The following CNTN4 variants were observed in gnomAD, a reference collection of about 807,000 sequenced individuals.
CNTN4 encodes contactin 4, also known as contactin-4.
In CNTN4, 77 loss-of-function variants were observed where a neutral mutation model predicts 122.5. The ratio of observed to expected loss-of-function variants is 0.63; its 90% confidence interval spans 0.52 to 0.76. The LOEUF (loss-of-function observed/expected upper bound fraction) is 0.76. Among genes scored for constraint, CNTN4 ranks in the 30% least tolerant of loss-of-function variants. CNTN4 has a pLI of 0.00. For synonymous variants in CNTN4, 512 were observed against 447.0 expected (o/e 1.15, Z -1.83); for missense variants, 1,256 against 1,259.1 (o/e 1.00, Z 0.04).
chr3:2,140,054 A>T lies in CNTN4; in HGVS notation c.-145+39415A>T, dbSNP rs149528559. On this transcript the variant is annotated intron_variant, in intron 2 of 24. Coordinates refer to ENST00000418658, the MANE Select transcript of CNTN4 (RefSeq NM_175607.3). ...CACAGGATCTGATGGCTTTATAAAG[A>T]GGAGTTCCCCTGCACAAGCCCTCTT... Among the ~76,000 whole-genome samples, 451 of 152,298 alleles carry T rather than the reference A, an allele frequency of 3.0e-3. 3 individuals are homozygous for T. The highest frequency in any genetic ancestry group is 9.9e-3 in the African/African-American group (412 of 41,570).
chr3:2,793,097 T>A (rs1010029003), intron 6 of CNTN4, among the ~76,000 whole-genome samples: 2 of 152,152 alleles, frequency 1.3e-5, no homozygotes, highest in South Asian at 2.1e-4. Flanking sequence ...TGAAGAAAGC[T>A]AACCTTGTAT....
chr3:2,521,168 A>G (rs1249606432), intron 3 of CNTN4, among the ~76,000 whole-genome samples: 1 of 152,124 alleles, frequency 6.6e-6, no homozygotes, highest in Non-Finnish European at 1.5e-5. Flanking sequence ...AAGTGGATGA[A>G]CAAAAGTTTT....
At chr3:2,478,936 A>G (rs926571890) in intron 3 of CNTN4, among the ~76,000 whole-genome samples, 1 of 152,054 alleles carries the variant, frequency 6.6e-6, no homozygotes, top group Admixed American at 6.6e-5. Context: ...AATTTTTACT[A>G]TATAATATCT....
chr3:2,975,503 G>A (rs1427567585), intron 13 of CNTN4, among the ~76,000 whole-genome samples: 1 of 152,168 alleles, frequency 6.6e-6, no homozygotes, highest in Admixed American at 6.5e-5. Context: ...GATAATCAAT[G>A]CAAGCAGCCA....
At chr3:2,106,874 C>T (rs9825524) in intron 2 of CNTN4, among the ~76,000 whole-genome samples, 11,191 of 152,248 alleles carry the variant, frequency 0.074, 525 homozygotes, top group South Asian at 0.12. Context: ...AATTTCAGAT[C>T]ATCACACTCA....
chr3:2,689,046 C>A (rs1334297209), intron 4 of CNTN4, among the ~76,000 whole-genome samples: 2 of 152,114 alleles, frequency 1.3e-5, no homozygotes, highest in Non-Finnish European at 2.9e-5. Flanking sequence ...ACAGAGAGTT[C>A]GAAAGGTTGC....
chr3:2,568,336 AAAAAC>A (rs561049166), intron 3 of CNTN4, among the ~76,000 whole-genome samples: 2 of 151,416 alleles, frequency 1.3e-5, no homozygotes, highest in South Asian at 2.1e-4. Flanking sequence ...AAAAAAAAAA[AAAAAC>A]CACCCTGTAC....
intron 6 of CNTN4, among the ~76,000 whole-genome samples, chr3:2,764,364 A>G (rs2090741551): frequency 6.6e-6 from 1 of 152,216 alleles, no homozygotes; most frequent in African/African-American, 2.4e-5. Context: ...AAGGATCAGT[A>G]AGGATTAAAA....
chr3:2,530,015 T>G (rs1173639408), intron 3 of CNTN4, among the ~76,000 whole-genome samples: 1 of 152,152 alleles, frequency 6.6e-6, no homozygotes, highest in Non-Finnish European at 1.5e-5. Context: ...TAGATTTCCC[T>G]CATGTGATGC....
At chr3:2,201,911 T>A (rs1575070904) in intron 2 of CNTN4, among the ~76,000 whole-genome samples, 1 of 152,134 alleles carries the variant, frequency 6.6e-6, no homozygotes, top group Admixed American at 6.5e-5. Context: ...AAAAAAATCT[T>A]ACTTATCTTC....
chr3:2,959,009 A>G (rs950391220), intron 13 of CNTN4, among the ~76,000 whole-genome samples: 5 of 152,192 alleles, frequency 3.3e-5, no homozygotes, highest in Admixed American at 1.3e-4. Context: ...GAGTATCTGC[A>G]TATATACAAA....
chr3:2,993,451 C>T (rs565836267), intron 14 of CNTN4, among the ~76,000 whole-genome samples: 18 of 151,830 alleles, frequency 1.2e-4, no homozygotes, highest in African/African-American at 4.1e-4. Context: ...GCAGATGCCA[C>T]GACGCCCAGC....
chr3:2,375,826 C>A (rs926993350), intron 3 of CNTN4, among the ~76,000 whole-genome samples: 1 of 151,984 alleles, frequency 6.6e-6, no homozygotes, highest in Admixed American at 6.6e-5. Flanking sequence ...ATCATCCATG[C>A]CTCTGAATTG....
intron 13 of CNTN4, among the ~76,000 whole-genome samples, chr3:2,947,187 A>AT (rs1344864896): frequency 6.6e-6 from 1 of 152,198 alleles, no homozygotes; most frequent in Non-Finnish European, 1.5e-5. Context: ...AAAGCAGAAT[A>AT]TTTTTTGCGT....
intron 3 of CNTN4, among the ~76,000 whole-genome samples, chr3:2,514,566 G>A (rs542535790): frequency 7.2e-5 from 11 of 152,172 alleles, no homozygotes; most frequent in Non-Finnish European, 1.5e-4. Context: ...AGCCTTAACT[G>A]TGCATTGTCA....
chr3:2,371,739 G>C (rs531039220), intron 3 of CNTN4, among the ~76,000 whole-genome samples: 33 of 152,246 alleles, frequency 2.2e-4, no homozygotes, highest in African/African-American at 6.7e-4. Context: ...TCAAGAAAAA[G>C]GTTCTGGAAT....
chr3:3,009,680 T>A (rs371386498), intron 14 of CNTN4, among the ~76,000 whole-genome samples: 3 of 151,958 alleles, frequency 2.0e-5, no homozygotes, highest in East Asian at 1.9e-4. Context: ...TGATCTGCCC[T>A]CCTCGGCCTC....
At chr3:2,217,895 A>G (rs2038913597) in intron 2 of CNTN4, among the ~76,000 whole-genome samples, 1 of 152,232 alleles carries the variant, frequency 6.6e-6, no homozygotes, top group African/African-American at 2.4e-5. Flanking sequence ...AGGAGTAAAA[A>G]GAGAGTGATA....
chr3:2,432,452 C>G (rs2048108150), intron 3 of CNTN4, among the ~76,000 whole-genome samples: 1 of 151,948 alleles, frequency 6.6e-6, no homozygotes, highest in South Asian at 2.1e-4. Context: ...AAGAAGAGGG[C>G]TTATTTTAGT....
Sources: allele counts gnomAD v4.1 joint callset (sites outside exome capture counted in the v4.1 genomes callset), GRCh38; gene constraint gnomAD v4.1.1; transcripts MANE v1.5; gene names NCBI Gene and HGNC (gene_info 2026-07-23, HGNC 2026-07-21).